Variants in TENM1 observed in about 807,000 individuals in gnomAD.
TENM1 encodes the protein teneurin transmembrane protein 1.
Under a neutral mutation model 174.8 loss-of-function variants are expected in TENM1, and 35 were observed. That is an observed-to-expected ratio of 0.20 (90% CI 0.15 to 0.27). The LOEUF is 0.27. Among genes scored for constraint, TENM1 ranks in the 10% least tolerant of loss-of-function variants. The pLI is 1.00. For synonymous variants in TENM1, 781 were observed against 798.7 expected (o/e 0.98, Z 0.37); for missense variants, 1,633 against 2,130.1 (o/e 0.77, Z 4.59).
At chrX:124,724,510 T>C (rs1348346420) in intron 4 of TENM1, among the ~76,000 whole-genome samples, 2 of 112,160 alleles carry the variant, frequency 1.8e-5, no homozygotes, top group African/African-American at 6.5e-5. Flanking sequence ...AAAATTCATA[T>C]GTTGGCCATG....
the TENM1 span, among the ~76,000 whole-genome samples, chrX:125,105,801 C>T: frequency 9.0e-6 from 1 of 111,592 alleles, no homozygotes; most frequent in Non-Finnish European, 1.9e-5. Flanking sequence ...TGCCAGGAAA[C>T]AAGAAGGCCC....
intron 5 of TENM1, among the ~76,000 whole-genome samples, chrX:124,701,504 A>G (rs911049394): frequency 8.9e-6 from 1 of 111,973 alleles, no homozygotes; most frequent in African/African-American, 3.2e-5. Context: ...CTTCCTGACT[A>G]CTACTTCATA....
chrX:125,040,260 C>T, the TENM1 span, among the ~76,000 whole-genome samples: 1 of 110,850 alleles, frequency 9.0e-6, no homozygotes, highest in Non-Finnish European at 1.9e-5. Flanking sequence ...ACATTCATTC[C>T]TAATTTTGCA....
At chrX:124,895,224 G>GTACAT (rs2057543352) in intron 2 of TENM1, among the ~76,000 whole-genome samples, 1 of 111,513 alleles carries the variant, frequency 9.0e-6, no homozygotes. Context: ...TCATGGTAAT[G>GTACAT]GGGACTTATA....
intron 11 of TENM1, among the ~76,000 whole-genome samples, chrX:124,588,904 T>C (rs182680926): frequency 1.0e-4 from 11 of 110,382 alleles, no homozygotes; most frequent in African/African-American, 3.3e-4. Flanking sequence ...TTCTCTTGCC[T>C]AATTGCTGTG....
chrX:125,118,299 C>A, the TENM1 span, among the ~76,000 whole-genome samples: 148 of 110,884 alleles, frequency 1.3e-3, no homozygotes, highest in African/African-American at 4.6e-3. Flanking sequence ...GATGGGTACA[C>A]TAAAAGCCCA....
chrX:124,711,719 G>C (rs2148505193), intron 4 of TENM1, among the ~76,000 whole-genome samples: 1 of 111,783 alleles, frequency 8.9e-6, no homozygotes, highest in Non-Finnish European at 1.9e-5. Context: ...AAAGCATATG[G>C]CATAAAATTT....
rs5958631 is a variant in TENM1, at chrX:124,959,360, G to A, written c.217+4177C>T. ...TTCCAGACTTTTAGTTCCCGGGTCT[G>A]TATACTTTATTTTATATAAGTCAGT... On this transcript the variant is annotated intron_variant, in intron 1 of 31. Coordinates refer to ENST00000422452, the Ensembl canonical transcript of TENM1. 4.2e-3 allele frequency among the ~76,000 whole-genome samples: 473 copies of A among 111,680 alleles called. 1 individual carries two copies. The highest frequency in any genetic ancestry group is 0.014 in the African/African-American group (440 of 30,745).
chrX:125,189,210 C>G, the TENM1 span, among the ~76,000 whole-genome samples: 3 of 111,806 alleles, frequency 2.7e-5, no homozygotes, highest in Non-Finnish European at 5.6e-5. Context: ...CCAGTTAATA[C>G]ATTGATCTAT....
At chrX:125,157,949 C>T in the TENM1 span, among the ~76,000 whole-genome samples, 7 of 111,338 alleles carry the variant, frequency 6.3e-5, no homozygotes, top group African/African-American at 3.3e-5. Flanking sequence ...GTCTTTCAAG[C>T]CAAATGTATA....
intron 3 of TENM1, among the ~76,000 whole-genome samples, chrX:124,807,910 C>CAT (rs2055654553): frequency 1.8e-5 from 2 of 109,955 alleles, no homozygotes; most frequent in African/African-American, 3.3e-5. Flanking sequence ...CACACACACA[C>CAT]ACACACACAG....
At chrX:124,439,601 C>T (rs889462120) in intron 23 of TENM1, among the ~76,000 whole-genome samples, 2 of 111,520 alleles carry the variant, frequency 1.8e-5, no homozygotes, top group Non-Finnish European at 3.8e-5. Flanking sequence ...CCATCACACT[C>T]ACCTACAGAC....
chrX:124,991,581 A>G, the TENM1 span, among the ~76,000 whole-genome samples: 2 of 110,594 alleles, frequency 1.8e-5, no homozygotes, highest in African/African-American at 6.6e-5. Context: ...TCTCAGGACT[A>G]CATTTCTATT....
chrX:125,172,443 C>T, the TENM1 span, among the ~76,000 whole-genome samples: 1 of 111,429 alleles, frequency 9.0e-6, no homozygotes, highest in African/African-American at 3.3e-5. Context: ...CTCCCACAGC[C>T]TTGCTTAAAT....
the TENM1 span, among the ~76,000 whole-genome samples, chrX:125,113,022 G>A: frequency 1.8e-5 from 2 of 111,261 alleles, no homozygotes; most frequent in Middle Eastern, 4.7e-3. Context: ...ATGATATGTA[G>A]TATCAGCATA....
chrX:124,664,221 A>G (rs1370034691), intron 6 of TENM1, among the ~76,000 whole-genome samples: 1 of 111,551 alleles, frequency 9.0e-6, no homozygotes, highest in Non-Finnish European at 1.9e-5. Flanking sequence ...TATCCTTTAA[A>G]TAAAAGATAC....
intron 16 of TENM1, 124 bp downstream of exon 19, chrX:124,529,740 C>G: frequency 2.2e-6 from 2 of 920,573 alleles, no homozygotes; most frequent in Non-Finnish European, 3.0e-6. Flanking sequence ...TCACCAATGA[C>G]TTTTTGAGAT....
the TENM1 span, among the ~76,000 whole-genome samples, chrX:125,132,112 T>C: frequency 6.4e-4 from 72 of 112,030 alleles, no homozygotes; most frequent in Middle Eastern, 4.6e-3. Flanking sequence ...TGGAACTAGT[T>C]TGAAAATGTC....
intron 3 of TENM1, among the ~76,000 whole-genome samples, chrX:124,741,036 T>A (rs890007651): frequency 3.6e-5 from 4 of 111,771 alleles, no homozygotes; most frequent in Non-Finnish European, 7.5e-5. Flanking sequence ...TCACATAATA[T>A]ACTTGGATAG....
Sources: gnomAD v4.1 joint callset for allele counts (sites outside exome capture counted in the v4.1 genomes callset) on GRCh38, gnomAD v4.1.1 for gene constraint, MANE v1.5 for transcripts, NCBI Gene and HGNC (gene_info 2026-07-23, HGNC 2026-07-21) for gene names.